MYLK: variants seen among roughly 807,000 people sequenced by gnomAD.
MYLK encodes myosin light chain kinase, smooth muscle.
MYLK carries 106 observed loss-of-function variants against 203.4 expected under a neutral mutation model. The observed-to-expected ratio is 0.52, with a 90% CI of 0.45 to 0.61. The LOEUF (loss-of-function observed/expected upper bound fraction) is 0.61. Ranked by LOEUF, MYLK falls within the 20% of genes least tolerant of loss-of-function variation. The probability of loss-of-function intolerance (pLI) is 0.00; values close to 1 mark genes in which losing one functional copy is unlikely to be tolerated. For synonymous variants in MYLK, 867 were observed against 959.5 expected (o/e 0.90, Z 1.78); for missense variants, 2,072 against 2,442.3 (o/e 0.85, Z 3.20).
chr3:123,708,692 C>A lies in MYLK; in HGVS notation c.2140+6G>T. The A allele has an allele frequency of 6.2e-7, 1 of 1,614,012 alleles. No individual in the cohort carries two copies. Among genetic ancestry groups the A allele is most frequent in the Non-Finnish European group, 8.5e-7 (1 of 1,180,026 alleles). On this transcript the variant is annotated splice_donor_region_variant and intron_variant, in intron 15 of 33. Coordinates refer to ENST00000360304, the MANE Select transcript of MYLK (RefSeq NM_053025.4). ...TTCCCACTCGCTCTGAGTGGGTCAG[C>A]CTCACCTTGTACCGTGAGCACGGCC... is the stretch of plus-strand genomic sequence containing the variant.
intron 3 of MYLK, among the ~76,000 whole-genome samples, chr3:123,799,475 G>A (rs141365448): frequency 1.4e-4 from 22 of 152,242 alleles, no homozygotes; most frequent in African/African-American, 5.3e-4. Flanking sequence ...CCTACCCAAA[G>A]TGTATACATT....
chr3:123,836,034 T>C (rs2066467962), intron 2 of MYLK: 2 of 152,248 alleles, frequency 1.3e-5, no homozygotes, highest in African/African-American at 4.8e-5. Context: ...ATCATATTTT[T>C]ACACAGTTGT....
intron 2 of MYLK, among the ~76,000 whole-genome samples, chr3:123,850,375 T>C (rs2030624232): frequency 6.6e-6 from 1 of 152,238 alleles, no homozygotes; most frequent in South Asian, 2.1e-4. Context: ...GTAAAAGTGT[T>C]CCTATTTCTC....
Position 123,743,197 on chromosome 3 carries a change from T to C in MYLK, c.374-3196A>G, listed in dbSNP as rs2124507. On this transcript the variant is annotated intron_variant, in intron 5 of 33. Transcript: ENST00000360304. ...TAAAAAGTCTTGGGAGCTAAATATC[T>C]TAATCCAAAAGGCTTAAATTCCTTT... Among the ~76,000 whole-genome samples, 3,590 of 152,286 alleles carry C rather than the reference T, an allele frequency of 0.024. 455 individuals carry two copies. The East Asian group carries it at 0.39, about 17-fold the overall frequency.
chr3:123,883,375 G>A (rs947522423), intron 1 of MYLK, among the ~76,000 whole-genome samples: 2 of 151,994 alleles, frequency 1.3e-5, no homozygotes, highest in Non-Finnish European at 2.9e-5. Flanking sequence ...GACTCTAGTA[G>A]AGCTGGGTCT....
In MYLK at chr3:123,700,385, T is replaced by C. The variant is rs1292187743; in HGVS notation, c.3083A>G (p.Asn1028Ser). The C allele has an allele frequency of 2.5e-6, 4 of 1,613,784 alleles. No individual in the cohort carries two copies. The highest frequency in any genetic ancestry group is 3.4e-6 in the Non-Finnish European group (4 of 1,179,978). The change falls in exon 18 of 34, where the codon AAC (asparagine) becomes AGC (serine). Residue 1028 changes from asparagine to serine, a missense_variant. This residue lies in a region of MYLK where 865 missense variants were observed against 1,016.0 expected (regional missense o/e 0.85). Transcript: ENST00000360304. ...CTTCAGGGTCTCAGCAGGCTTGGCG[T>C]TGCCCACGGGTTTCAAGGGCCCTGA... ...QPSGPLKPVG[N>S]AKPAETLKPM...
chr3:123,818,354 T>C (rs1354344732), intron 3 of MYLK, among the ~76,000 whole-genome samples: 2 of 152,188 alleles, frequency 1.3e-5, no homozygotes, highest in African/African-American at 4.8e-5. Context: ...CCACTTCCTC[T>C]GGGCACACAT....
chr3:123,720,028 AGCGTGCGGCT>A lies in MYLK; in HGVS notation c.1804+2090_1804+2099del, dbSNP rs560497275. On this transcript the variant is annotated intron_variant, in intron 13 of 33. Transcript: ENST00000360304. ...AAGAGCCCAAATGCTGCCGGGCCTG[AGCGTGCGGCT>A]GCGTCTTCAGCCTTGTTCACCATTT... Among the ~76,000 whole-genome samples the A allele has an allele frequency of 8.6e-4, 131 of 152,306 alleles. 1 individual carries two copies. Among genetic ancestry groups the A allele is most frequent in the Admixed American group, 3.7e-3 (56 of 15,306 alleles).
At chr3:123,821,778 G>A (rs1034308540) in intron 3 of MYLK, among the ~76,000 whole-genome samples, 19 of 152,104 alleles carry the variant, frequency 1.2e-4, no homozygotes, top group African/African-American at 3.1e-4. Flanking sequence ...AAACCTCATC[G>A]CAATCTCCCA....
intron 4 of MYLK, among the ~76,000 whole-genome samples, chr3:123,761,191 CTCAG>C (rs2063522665): frequency 6.6e-6 from 1 of 152,226 alleles, no homozygotes; most frequent in Non-Finnish European, 1.5e-5. Context: ...CTGCCCAAGA[CTCAG>C]ACACTGGCCA....
chr3:123,717,856 T>C (rs112607680), intron 13 of MYLK, among the ~76,000 whole-genome samples: 6 of 138,348 alleles, frequency 4.3e-5, no homozygotes, highest in Admixed American at 2.9e-4. Flanking sequence ...TTTTTTTTTT[T>C]TTTTTTTTTT....
At chr3:123,743,388 A>G (rs2062918065) in intron 5 of MYLK, among the ~76,000 whole-genome samples, 1 of 152,204 alleles carries the variant, frequency 6.6e-6, no homozygotes, top group Non-Finnish European at 1.5e-5. Context: ...TTTTAATATG[A>G]GTTAACAGAG....
chr3:123,674,506 C>CT (rs945753988), intron 20 of MYLK, among the ~76,000 whole-genome samples: 2 of 152,258 alleles, frequency 1.3e-5, no homozygotes, highest in African/African-American at 4.8e-5. Flanking sequence ...CCCCAACTTT[C>CT]TTGCTTGCTT....
intron 4 of MYLK, among the ~76,000 whole-genome samples, chr3:123,753,476 CTTTTT>C (rs5852362): frequency 1.7e-5 from 2 of 120,906 alleles, no homozygotes; most frequent in Non-Finnish European, 1.8e-5. Context: ...TCTGAGTTTC[CTTTTT>C]TTTTTTTTTT....
intron 4 of MYLK, among the ~76,000 whole-genome samples, chr3:123,780,430 T>C (rs1044660451): frequency 1.3e-5 from 2 of 152,084 alleles, no homozygotes; most frequent in Admixed American, 6.6e-5. Flanking sequence ...CGAGATTCTG[T>C]CTCAAAAAAT....
At chr3:123,664,063 C>G (rs1225089701) in intron 23 of MYLK, 42 bp downstream of exon 23, 1 of 1,613,110 alleles carries the variant, frequency 6.2e-7, no homozygotes, top group Non-Finnish European at 8.5e-7. Context: ...TCCCTGCCTT[C>G]CCCTTGCCCC....
chr3:123,730,746 G>A (rs1333764265), intron 11 of MYLK, among the ~76,000 whole-genome samples: 2 of 152,302 alleles, frequency 1.3e-5, no homozygotes, highest in East Asian at 3.9e-4. Context: ...GCTATCAGGG[G>A]TTGTGGGGAT....
At chr3:123,809,508 A>G (rs990991450) in intron 3 of MYLK, among the ~76,000 whole-genome samples, 23 of 152,170 alleles carry the variant, frequency 1.5e-4, no homozygotes, top group African/African-American at 5.5e-4. Context: ...CCTGGGCAAC[A>G]AGAGTGAAAC....
intron 13 of MYLK, among the ~76,000 whole-genome samples, chr3:123,713,311 A>C (rs943531394): frequency 2.6e-5 from 4 of 152,194 alleles, no homozygotes; most frequent in African/African-American, 9.7e-5. Flanking sequence ...ACTGGTGTAG[A>C]GACCAGGAGA....
Sources: gnomAD v4.1 joint callset for allele counts (sites outside exome capture counted in the v4.1 genomes callset) on GRCh38, gnomAD v4.1.1 for gene constraint, gnomAD v4.1.1 regional missense constraint, MANE v1.5 for transcripts, NCBI Gene and HGNC (gene_info 2026-07-23, HGNC 2026-07-21) for gene names.